OSBPL9: variants seen among roughly 807,000 people sequenced by gnomAD.
OSBPL9 encodes the protein oxysterol binding protein like 9.
In OSBPL9, 40 loss-of-function variants were observed where a neutral mutation model predicts 106.6. The ratio of observed to expected loss-of-function variants is 0.38; its 90% CI spans 0.29 to 0.49. The LOEUF (loss-of-function observed/expected upper bound fraction) is 0.49, where lower values mean the gene tolerates loss of function less well. Ranked by LOEUF, OSBPL9 falls within the 20% of genes least tolerant of loss-of-function variation. The probability of loss-of-function intolerance (pLI) is 0.97; values close to 1 mark genes in which losing one functional copy is unlikely to be tolerated. For synonymous variants in OSBPL9, 269 were observed against 295.4 expected (o/e 0.91, Z 0.92); for missense variants, 609 against 887.2 (o/e 0.69, Z 3.98).
chr1:51,784,897 A>G (rs1677241024), intron 20 of OSBPL9: 2 of 329,032 alleles, frequency 6.1e-6, no homozygotes, highest in Non-Finnish European at 1.1e-5. Flanking sequence ...GCCAGATTGA[A>G]TGATGAGCTG....
intron 3 of OSBPL9, among the ~76,000 whole-genome samples, chr1:51,706,310 G>T (rs1207676550): frequency 6.6e-6 from 1 of 152,170 alleles, no homozygotes; most frequent in Non-Finnish European, 1.5e-5. Context: ...AGTTGTTATT[G>T]TGGTAGTTTT....
the OSBPL9 span, among the ~76,000 whole-genome samples, chr1:51,550,573 T>G: frequency 0.083 from 12,612 of 152,242 alleles, 604 homozygotes; most frequent in African/African-American, 0.11. Flanking sequence ...AGTGCAGTTG[T>G]GCGATCTCGG....
chr1:51,519,230 A>C, the OSBPL9 span: 1 of 1,182,088 alleles, frequency 8.5e-7, no homozygotes, highest in Non-Finnish European at 1.1e-6. Context: ...CGCCGCAGCC[A>C]TGGTGTTTCC....
intron 3 of OSBPL9, among the ~76,000 whole-genome samples, chr1:51,711,106 C>T (rs1171942598): frequency 6.6e-6 from 1 of 151,538 alleles, no homozygotes; most frequent in African/African-American, 2.4e-5. Flanking sequence ...ATGTCTACTT[C>T]TTTCCACACA....
At chr1:51,519,912 T>C in the OSBPL9 span, among the ~76,000 whole-genome samples, 286 of 152,300 alleles carry the variant, frequency 1.9e-3, no homozygotes, top group African/African-American at 6.8e-3. Context: ...GAAGCAAAAA[T>C]GTATTTGCCT....
At chr1:51,656,225 G>A (rs1444885829) in intron 2 of OSBPL9, among the ~76,000 whole-genome samples, 1 of 152,136 alleles carries the variant, frequency 6.6e-6, no homozygotes, top group Non-Finnish European at 1.5e-5. Context: ...GATATAACTG[G>A]TACGGTTGTA....
chr1:51,609,908 C>T (rs988583115), intron 2 of OSBPL9, among the ~76,000 whole-genome samples: 7 of 151,812 alleles, frequency 4.6e-5, no homozygotes, highest in East Asian at 1.9e-4. Flanking sequence ...CCACCACGCC[C>T]GGCTAATTTT....
chr1:51,520,225 C>G, the OSBPL9 span, among the ~76,000 whole-genome samples: 1 of 152,162 alleles, frequency 6.6e-6, no homozygotes, highest in Non-Finnish European at 1.5e-5. Context: ...TCGTCAGACC[C>G]TAGCATTACA....
At chr1:51,544,832 A>T in the OSBPL9 span, among the ~76,000 whole-genome samples, 1 of 148,292 alleles carries the variant, frequency 6.7e-6, no homozygotes, top group Non-Finnish European at 1.5e-5. Flanking sequence ...ACTTTAAGAG[A>T]CATGCTTTTT....
At chr1:51,565,009 A>G in the OSBPL9 span, among the ~76,000 whole-genome samples, 1 of 152,088 alleles carries the variant, frequency 6.6e-6, no homozygotes, top group African/African-American at 2.4e-5. Context: ...ACTTTGCCTG[A>G]TCATCTGCCT....
In OSBPL9 at chr1:51,713,991, C is replaced by A. The variant is rs1660593574; in HGVS notation, c.242-12C>A. The A allele has an allele frequency of 1.9e-6, 3 of 1,594,342 alleles. No individual in the cohort carries two copies. Among genetic ancestry groups the A allele is most frequent in the Non-Finnish European group, 2.6e-6 (3 of 1,169,454 alleles). On this transcript the variant is annotated splice_polypyrimidine_tract_variant and intron_variant, in intron 3 of 23. Coordinates refer to ENST00000428468, the MANE Select transcript of OSBPL9 (RefSeq NM_024586.6). The stretch of plus-strand genomic sequence containing the variant: ...TAAACTTTTAATTTTAATGTATAAT[C>A]TTTTATTCCAGCCCGTGATGCTGAT...
At chr1:51,746,839 T>C in intron 6 of OSBPL9, 82 bp downstream of exon 6, 5 of 1,093,310 alleles carry the variant, frequency 4.6e-6, no homozygotes, top group Non-Finnish European at 6.7e-6. Flanking sequence ...AGTGTGTTTT[T>C]ACTTACTATA....
chr1:51,600,215 A>G (rs140646686), intron 2 of OSBPL9, among the ~76,000 whole-genome samples: 78 of 152,354 alleles, frequency 5.1e-4, no homozygotes, highest in Non-Finnish European at 4.7e-4. Flanking sequence ...ATTTAATTCA[A>G]TAACTATGGA....
the OSBPL9 span, among the ~76,000 whole-genome samples, chr1:51,519,611 T>A: frequency 1.3e-5 from 2 of 151,926 alleles, no homozygotes; most frequent in African/African-American, 4.8e-5. Flanking sequence ...TTCTGAAAAA[T>A]GGGGGAAATT....
chr1:51,565,505 C>T, the OSBPL9 span: 1 of 152,152 alleles, frequency 6.6e-6, no homozygotes, highest in Non-Finnish European at 1.5e-5. Flanking sequence ...ACATTAAGGA[C>T]TTCCTATATA....
At chr1:51,673,049 A>G (rs1289331276) in intron 3 of OSBPL9, among the ~76,000 whole-genome samples, 1 of 152,224 alleles carries the variant, frequency 6.6e-6, no homozygotes, top group African/African-American at 2.4e-5. Flanking sequence ...AGGTCCAACT[A>G]CAGAGCCCTG....
intron 2 of OSBPL9, among the ~76,000 whole-genome samples, chr1:51,603,146 C>T (rs553524191): frequency 6.6e-6 from 1 of 152,046 alleles, no homozygotes; most frequent in African/African-American, 2.4e-5. Context: ...CAGAGTGAGA[C>T]CCTGTCTCAA....
the OSBPL9 span, among the ~76,000 whole-genome samples, chr1:51,529,063 A>G: frequency 6.6e-6 from 1 of 152,210 alleles, no homozygotes; most frequent in Non-Finnish European, 1.5e-5. Context: ...AAGATTGTTA[A>G]TATGGTAATA....
intron 3 of OSBPL9, among the ~76,000 whole-genome samples, chr1:51,692,870 A>G (rs923821177): frequency 9.2e-5 from 14 of 152,000 alleles, no homozygotes; most frequent in Admixed American, 7.2e-4. Flanking sequence ...CCATGACTGT[A>G]TATGTTAGAA....
Sources: allele counts gnomAD v4.1 joint callset (sites outside exome capture counted in the v4.1 genomes callset), GRCh38; gene constraint gnomAD v4.1.1; transcripts MANE v1.5; gene names NCBI Gene and HGNC (gene_info 2026-07-23, HGNC 2026-07-21).